The following EVA1A variants were observed in gnomAD, a reference collection of about 807,000 sequenced individuals.
EVA1A encodes protein eva-1 homolog A.
Under a neutral mutation model 9.8 loss-of-function variants are expected in EVA1A, and 7 were observed. The ratio of observed to expected loss-of-function variants is 0.71; its 90% CI spans 0.41 to 1.34. The LOEUF (loss-of-function observed/expected upper bound fraction) is 1.34, where lower values mean the gene tolerates loss of function less well. EVA1A is among the 40% of genes most tolerant of loss of function. EVA1A has a pLI of 0.01. For synonymous variants in EVA1A, 90 were observed against 85.6 expected, an observed-to-expected ratio of 1.05 and a Z score of -0.28; for missense variants, 206 against 205.9, an observed-to-expected ratio of 1.00 and a Z score of 0.00.
intron 1 of EVA1A, among the ~76,000 whole-genome samples, chr2:75,529,776 G>C (rs1675578971): frequency 6.6e-6 from 1 of 152,094 alleles, no homozygotes; most frequent in Non-Finnish European, 1.5e-5. Context: ...AGCATTAAAT[G>C]CCTAAATCAA....
intron 1 of EVA1A, among the ~76,000 whole-genome samples, chr2:75,549,302 T>C (rs1676447703): frequency 6.6e-6 from 1 of 152,180 alleles, no homozygotes; most frequent in East Asian, 1.9e-4. Context: ...TATGGGATTA[T>C]GTAACTTCAC....
chr2:75,530,483 A>G (rs1230244341), intron 1 of EVA1A, among the ~76,000 whole-genome samples: 1 of 152,216 alleles, frequency 6.6e-6, no homozygotes, highest in Non-Finnish European at 1.5e-5. Flanking sequence ...CCTGATGAAC[A>G]TAGATGCAAA....
At chr2:75,545,580 T>A (rs938924643) in intron 1 of EVA1A, among the ~76,000 whole-genome samples, 1 of 152,052 alleles carries the variant, frequency 6.6e-6, no homozygotes, top group African/African-American at 2.4e-5. Context: ...CCTTAAGCAG[T>A]GAGATTTCTG....
intron 1 of EVA1A, among the ~76,000 whole-genome samples, chr2:75,530,905 C>A (rs1047926168): frequency 6.7e-6 from 1 of 148,364 alleles, no homozygotes; most frequent in Non-Finnish European, 1.5e-5. Context: ...CTAGCCAGAG[C>A]AATCAGAAAC....
At chr2:75,546,507 T>C (rs904524308) in intron 1 of EVA1A, among the ~76,000 whole-genome samples, 1 of 152,068 alleles carries the variant, frequency 6.6e-6, no homozygotes, top group African/African-American at 2.4e-5. Flanking sequence ...TAAAAGCATA[T>C]GTAAATATAG....
At chr2:75,544,341 G>A (rs1430228490) in intron 1 of EVA1A, among the ~76,000 whole-genome samples, 1 of 152,072 alleles carries the variant, frequency 6.6e-6, no homozygotes, top group African/African-American at 2.4e-5. Context: ...TAAACTATAC[G>A]GTAATATGTG....
intron 3 of EVA1A, among the ~76,000 whole-genome samples, chr2:75,505,507 T>C (rs1437211021): frequency 6.6e-6 from 1 of 152,212 alleles, no homozygotes; most frequent in Admixed American, 6.5e-5. Flanking sequence ...CATATGTATG[T>C]GTACGTATGT....
chr2:75,505,724 G>GGA, intron 3 of EVA1A, among the ~76,000 whole-genome samples: 1 of 151,956 alleles, frequency 6.6e-6, no homozygotes, highest in East Asian at 1.9e-4. Flanking sequence ...TGAGGCAGAA[G>GGA]AGTCACTTGA....
At chr2:75,565,461 A>G (rs1315160945), upstream of EVA1A, among the ~76,000 whole-genome samples, 1 of 152,150 alleles carries the variant, frequency 6.6e-6, no homozygotes, top group African/African-American at 2.4e-5. Flanking sequence ...TATTAAGACA[A>G]TGTCAAACAG....
At position 75,555,612 on chromosome 2, in the gene EVA1A, C is replaced by T. The variant is rs148902520; in HGVS notation, c.-192+5068G>A. Among the ~76,000 whole-genome samples the T allele has an allele frequency of 5.3e-5, 8 of 152,164 alleles. No individual in the cohort carries two copies. The East Asian group carries it at 1.5e-3, about 29-fold the overall frequency. On this transcript the variant is annotated intron_variant, in intron 1 of 3. Transcript: ENST00000393913. ...CCCGTGGGCTCTGGTTCCACTGCCC[C>T]AGGAGGAAACAAGGCCAGCAGAGAT...
intron 3 of EVA1A, among the ~76,000 whole-genome samples, chr2:75,499,641 A>C (rs1212341194): frequency 1.3e-5 from 2 of 152,130 alleles, no homozygotes; most frequent in African/African-American, 4.8e-5. Context: ...TCTGAAAGAG[A>C]CTTGACTCTG....
Position 75,493,066 on chromosome 2 carries a change from T to C in EVA1A, c.*170A>G. The C allele has an allele frequency of 1.1e-6, 1 of 934,442 alleles. No homozygotes were observed. Among genetic ancestry groups the C allele is most frequent in the Non-Finnish European group, 1.6e-6 (1 of 624,026 alleles). 57.9% of individuals were successfully genotyped at this position (934,442 alleles called of 1,614,324 possible). A position where few individuals can be genotyped will look rare whatever the true frequency, so the allele number is the denominator to read the frequency against. On this transcript the variant is annotated 3_prime_UTR_variant, in exon 4 of 4. Transcript: ENST00000393913. ...CTGCTTTGATTTTTCTACTTCTCCATACATTTGGCCAAAAAGGAGCAATCC... is the reference window on the plus strand; with the variant it reads ...CTGCTTTGATTTTTCTACTTCTCCACACATTTGGCCAAAAAGGAGCAATCC...
chr2:75,520,051 T>C (rs1675181494), intron 2 of EVA1A, among the ~76,000 whole-genome samples: 1 of 152,172 alleles, frequency 6.6e-6, no homozygotes, highest in South Asian at 2.1e-4. Context: ...ACTTTCACAA[T>C]ATCTGACCTC....
At chr2:75,548,091 T>C (rs181636271) in intron 1 of EVA1A, among the ~76,000 whole-genome samples, 9 of 152,334 alleles carry the variant, frequency 5.9e-5, no homozygotes, top group Admixed American at 3.9e-4. Context: ...AAAACCTACA[T>C]TGAGTAGTTG....
At chr2:75,569,112 T>C (rs1677079082) in intron 1 of EVA1A, among the ~76,000 whole-genome samples, 2 of 152,330 alleles carry the variant, frequency 1.3e-5, no homozygotes, top group South Asian at 4.1e-4. Flanking sequence ...TTTCATCACG[T>C]CCATGCCAAC....
intron 1 of EVA1A, among the ~76,000 whole-genome samples, chr2:75,548,096 T>C (rs1676393520): frequency 6.6e-6 from 1 of 152,200 alleles, no homozygotes; most frequent in South Asian, 2.1e-4. Flanking sequence ...CTACATTGAG[T>C]AGTTGGCCCT....
At chr2:75,525,623 T>A (rs1045879964) in intron 1 of EVA1A, among the ~76,000 whole-genome samples, 4 of 152,184 alleles carry the variant, frequency 2.6e-5, no homozygotes, top group African/African-American at 9.7e-5. Flanking sequence ...ACAAATTCTG[T>A]CTCAATGATG....
Position 75,493,355 on chromosome 2 carries a change from A to T in EVA1A, c.340T>A (p.Ser114Thr), listed in dbSNP as rs1408292844. Residue 114 changes from serine (S) to threonine (T), a missense_variant, in exon 4 of 4, where the codon TCT becomes ACT. By Grantham distance (58) the Ser-to-Thr change is moderately conservative. Transcript: ENST00000393913. ...TGGGCGCGCTCCAGCTCCTCCGCAG[A>T]GGTGAACACATTCTTGTTCAAAGTC... The part of the protein sequence containing the change: ...ERTLNKNVFT[S>T]AEELERAQRL... 1.2e-6 allele frequency: 2 copies of T among 1,614,194 alleles called. No homozygotes were observed. The highest frequency in any genetic ancestry group is 3.3e-5 in the Admixed American group (2 of 60,032).
intron 3 of EVA1A, among the ~76,000 whole-genome samples, chr2:75,497,654 A>G (rs567252500): frequency 4.6e-5 from 7 of 152,058 alleles, no homozygotes; most frequent in Non-Finnish European, 1.0e-4. Context: ...AGCTTGAGAC[A>G]AGCCTGGGCA....
Sources: allele counts gnomAD v4.1 joint callset (sites outside exome capture counted in the v4.1 genomes callset), GRCh38; gene constraint gnomAD v4.1.1; transcripts MANE v1.5; gene names NCBI Gene and HGNC (gene_info 2026-07-23, HGNC 2026-07-21).